CDH18: variants seen among roughly 807,000 people sequenced by gnomAD.
CDH18 encodes the protein cadherin 18, also known as cadherin-18.
Under a neutral mutation model 67.9 loss-of-function variants are expected in CDH18, and 31 were observed. The observed-to-expected ratio is 0.46, with a 90% CI of 0.34 to 0.62. The LOEUF is 0.62. Among genes scored for constraint, CDH18 ranks in the 20% least tolerant of loss-of-function variants. The pLI, the probability that CDH18 is intolerant of heterozygous loss-of-function variation, is 0.01. For synonymous variants in CDH18, 362 were observed against 347.2 expected, an observed-to-expected ratio of 1.04 and a Z score of -0.48; for missense variants, 890 against 975.5, an observed-to-expected ratio of 0.91 and a Z score of 1.17.
At chr5:19,618,614 T>C (rs1750208259) in intron 5 of CDH18, among the ~76,000 whole-genome samples, 1 of 152,222 alleles carries the variant, frequency 6.6e-6, no homozygotes, top group Non-Finnish European at 1.5e-5. Context: ...ATGGGACATG[T>C]GGACCACTTA....
At chr5:20,454,480 G>A (rs1349138924) in intron 1 of CDH18, among the ~76,000 whole-genome samples, 3 of 152,012 alleles carry the variant, frequency 2.0e-5, no homozygotes, top group Admixed American at 2.0e-4. Flanking sequence ...AATGACTTAT[G>A]TAATCAAATA....
intron 1 of CDH18, among the ~76,000 whole-genome samples, chr5:20,575,138 A>G (rs1052869192): frequency 7.9e-5 from 12 of 152,166 alleles, no homozygotes; most frequent in African/African-American, 2.9e-4. Flanking sequence ...TTATGAACAT[A>G]TTGTAAGGTT....
At chr5:20,171,418 A>G (rs1397226241) in intron 2 of CDH18, among the ~76,000 whole-genome samples, 1 of 152,078 alleles carries the variant, frequency 6.6e-6, no homozygotes, top group Non-Finnish European at 1.5e-5. Flanking sequence ...GAGTCATGAA[A>G]TATGGTACTT....
At chr5:19,633,792 C>T (rs1247136388) in intron 5 of CDH18, among the ~76,000 whole-genome samples, 1 of 151,910 alleles carries the variant, frequency 6.6e-6, no homozygotes, top group Non-Finnish European at 1.5e-5. Context: ...ACCATACCCA[C>T]CTAATTTTTT....
At position 19,898,734 on chromosome 5, in the gene CDH18, A is replaced by G. The variant is rs1280564830; in HGVS notation, c.-256-59492T>C. The stretch of plus-strand genomic sequence containing the variant: ...AATCATAGGGGAAATGTTTCATGAC[A>G]TTGGGCTTGGCAGTGATTTCTTGGA... On this transcript the variant is annotated intron_variant, in intron 2 of 12. Transcript: ENST00000382275. Among the ~76,000 whole-genome samples, 5 of 152,290 alleles carry G rather than the reference A, an allele frequency of 3.3e-5. No individual in the cohort carries two copies. In the East Asian group the frequency reaches 9.7e-4, roughly 29 times the overall value.
At chr5:20,391,529 T>C (rs1436487089) in intron 1 of CDH18, among the ~76,000 whole-genome samples, 2 of 152,100 alleles carry the variant, frequency 1.3e-5, no homozygotes, top group Non-Finnish European at 2.9e-5. Context: ...TCAGATTTCA[T>C]GCTTAATATC....
intron 1 of CDH18, among the ~76,000 whole-genome samples, chr5:20,396,246 T>C (rs954864731): frequency 2.0e-5 from 3 of 152,092 alleles, no homozygotes; most frequent in African/African-American, 4.8e-5. Context: ...GGTATCAGAA[T>C]TGAATTTAAT....
At chr5:19,481,066 A>G (rs1739339456) in intron 12 of CDH18, among the ~76,000 whole-genome samples, 1 of 152,200 alleles carries the variant, frequency 6.6e-6, no homozygotes, top group African/African-American at 2.4e-5. Context: ...ACTACACAGC[A>G]TAATGCTCCT....
chr5:20,095,484 AGAGAGG>A (rs1163280181), intron 2 of CDH18, among the ~76,000 whole-genome samples: 11 of 90,808 alleles, frequency 1.2e-4, no homozygotes, highest in Non-Finnish European at 1.9e-4. Context: ...GGAAGGAGAG[AGAGAGG>A]GAGGGAGGGA....
chr5:19,669,246 A>G (rs1420352189), intron 5 of CDH18, among the ~76,000 whole-genome samples: 1 of 146,312 alleles, frequency 6.8e-6, no homozygotes, highest in Non-Finnish European at 1.5e-5. Context: ...TATGATATAT[A>G]TTATATATAA....
intron 2 of CDH18, among the ~76,000 whole-genome samples, chr5:19,878,693 C>T (rs1724594744): frequency 6.6e-6 from 1 of 151,920 alleles, no homozygotes; most frequent in Non-Finnish European, 1.5e-5. Flanking sequence ...AATCAAGGTT[C>T]ATAAACATTA....
intron 2 of CDH18, among the ~76,000 whole-genome samples, chr5:19,939,876 T>G (rs1181605748): frequency 6.6e-6 from 1 of 151,908 alleles, no homozygotes. Flanking sequence ...TTAATTTAAA[T>G]GCTTTATATA....
chr5:20,011,575 G>T (rs182979400), intron 2 of CDH18, among the ~76,000 whole-genome samples: 1 of 152,226 alleles, frequency 6.6e-6, no homozygotes, highest in Non-Finnish European at 1.5e-5. Context: ...TATTCAGGAT[G>T]ATATTGGCTG....
intron 1 of CDH18, among the ~76,000 whole-genome samples, chr5:20,299,357 G>C (rs1369152558): frequency 6.6e-6 from 1 of 151,146 alleles, no homozygotes; most frequent in East Asian, 1.9e-4. Flanking sequence ...CTAGAAGAGA[G>C]GAGTAGATTT....
intron 1 of CDH18, among the ~76,000 whole-genome samples, chr5:20,503,082 G>GT (rs1249751000): frequency 1.3e-5 from 2 of 151,882 alleles, no homozygotes; most frequent in African/African-American, 4.8e-5. Flanking sequence ...AAATAGACAG[G>GT]TTTTTTAAAT....
intron 2 of CDH18, among the ~76,000 whole-genome samples, chr5:19,965,403 T>C (rs1561645752): frequency 6.6e-6 from 1 of 152,286 alleles, no homozygotes; most frequent in African/African-American, 2.4e-5. Context: ...ATCTGAACTT[T>C]GCTGTATTCA....
intron 1 of CDH18, among the ~76,000 whole-genome samples, chr5:20,495,933 C>G (rs1753880108): frequency 6.6e-6 from 1 of 151,924 alleles, no homozygotes; most frequent in Non-Finnish European, 1.5e-5. Context: ...TTGACTAAGT[C>G]ACAAAATAAA....
At chr5:20,505,699 G>A (rs1754614643) in intron 1 of CDH18, among the ~76,000 whole-genome samples, 1 of 152,106 alleles carries the variant, frequency 6.6e-6, no homozygotes, top group Admixed American at 6.5e-5. Context: ...TGAAATCTAA[G>A]GTCACCAACT....
intron 2 of CDH18, among the ~76,000 whole-genome samples, chr5:19,886,642 T>C (rs1788241218): frequency 6.6e-6 from 1 of 152,152 alleles, no homozygotes; most frequent in African/African-American, 2.4e-5. Flanking sequence ...TAGAAATATA[T>C]GACATATATA....
Sources: allele counts gnomAD v4.1 joint callset (sites outside exome capture counted in the v4.1 genomes callset), GRCh38; gene constraint gnomAD v4.1.1; transcripts MANE v1.5; gene names NCBI Gene and HGNC (gene_info 2026-07-23, HGNC 2026-07-21).